LMO7: variants seen among roughly 807,000 people sequenced by gnomAD.
LMO7 encodes the protein LIM domain only protein 7.
In LMO7, 120 loss-of-function variants were observed where a neutral mutation model predicts 206.5. The ratio of observed to expected loss-of-function variants is 0.58; its 90% CI spans 0.50 to 0.68. The LOEUF is 0.68. Among genes scored for constraint, LMO7 ranks in the 30% least tolerant of loss-of-function variants. The probability of loss-of-function intolerance (pLI) is 0.00; values close to 1 mark genes in which losing one functional copy is unlikely to be tolerated. For synonymous variants in LMO7, 706 were observed against 681.5 expected, an observed-to-expected ratio of 1.04 and a Z score of -0.56; for missense variants, 1,959 against 1,957.9, an observed-to-expected ratio of 1.00 and a Z score of -0.01.
intron 27 of LMO7, 54 bp from the exon 28 acceptor site, chr13:75,853,038 A>T: frequency 7.3e-7 from 1 of 1,371,254 alleles, no homozygotes; most frequent in Non-Finnish European, 9.9e-7. Context: ...TGAATTAAAT[A>T]GATTTCTAGT....
intron 22 of LMO7, 28 bp from the exon 23 acceptor site, chr13:75,841,081 G>C (rs767370000): frequency 7.2e-7 from 1 of 1,398,424 alleles, no homozygotes; most frequent in Non-Finnish European, 1.0e-6. Context: ...TAATCTATTG[G>C]ATTAATATAT....
At chr13:75,747,039 A>G (rs2046899000) in intron 3 of LMO7, among the ~76,000 whole-genome samples, 2 of 152,194 alleles carry the variant, frequency 1.3e-5, no homozygotes, top group African/African-American at 4.8e-5. Flanking sequence ...TGTTGAAGCA[A>G]TAAAGTGTAG....
chr13:75,805,176 G>T, intron 8 of LMO7: 1 of 1,181,672 alleles, frequency 8.5e-7, no homozygotes. Context: ...CCTGGATCTG[G>T]CTGTCTATTA....
At chr13:75,778,318 C>T (rs1219799757) in intron 4 of LMO7, among the ~76,000 whole-genome samples, 3 of 151,986 alleles carry the variant, frequency 2.0e-5, no homozygotes, top group Non-Finnish European at 2.9e-5. Flanking sequence ...CTGCAACCTC[C>T]GCCTCCCAGG....
At chr13:75,831,065 G>T (rs992124678) in intron 15 of LMO7, among the ~76,000 whole-genome samples, 1 of 152,018 alleles carries the variant, frequency 6.6e-6, no homozygotes. Context: ...TTAAGTGTAT[G>T]GTGGTTTTGG....
rs188403549 is a variant in LMO7 at position 75,844,418 on chromosome 13, T to C, written c.4098-909T>C. Among the ~76,000 whole-genome samples the C allele has an allele frequency of 1.1e-4, 16 of 150,640 alleles. 1 individual carries two copies. The highest frequency in any genetic ancestry group is 3.9e-4 in the African/African-American group (16 of 41,310). On this transcript the variant is annotated intron_variant, in intron 25 of 30. Transcript: ENST00000377534. ...TTTCTTTTTCTTTTGTTTTTTTCTTTTTTTTTTTTGAGACGTAGTCTCGCT... is the reference window on the plus strand; with the variant it reads ...TTTCTTTTTCTTTTGTTTTTTTCTTCTTTTTTTTTGAGACGTAGTCTCGCT...
intron 1 of LMO7, among the ~76,000 whole-genome samples, chr13:75,696,268 T>C (rs910296166): frequency 1.3e-5 from 2 of 152,112 alleles, no homozygotes; most frequent in Admixed American, 1.3e-4. Context: ...GGCAGGAGAA[T>C]GGCTTGAACC....
chr13:75,669,862 A>T (rs897503904), intron 1 of LMO7, among the ~76,000 whole-genome samples: 1 of 152,172 alleles, frequency 6.6e-6, no homozygotes, highest in African/African-American at 2.4e-5. Flanking sequence ...AATGTGGCTC[A>T]CTGGCAGAGG....
At chr13:75,686,387 T>C (rs1194821608) in intron 1 of LMO7, among the ~76,000 whole-genome samples, 1 of 152,076 alleles carries the variant, frequency 6.6e-6, no homozygotes. Flanking sequence ...GAGAACAGCA[T>C]GGGAAAGACT....
chr13:75,714,914 C>T (rs2043404954), intron 2 of LMO7, among the ~76,000 whole-genome samples: 1 of 151,644 alleles, frequency 6.6e-6, no homozygotes, highest in Non-Finnish European at 1.5e-5. Context: ...ATCAACCATA[C>T]ACCCCACAAG....
intron 27 of LMO7, among the ~76,000 whole-genome samples, chr13:75,850,065 C>T (rs1001928041): frequency 6.6e-6 from 1 of 152,162 alleles, no homozygotes; most frequent in African/African-American, 2.4e-5. Context: ...TTGCAGTGAG[C>T]TGAGATCTTG....
At chr13:75,737,752 CAAA>C (rs374266925) in intron 3 of LMO7, among the ~76,000 whole-genome samples, 1 of 35,384 alleles carries the variant, frequency 2.8e-5, no homozygotes, top group Non-Finnish European at 5.0e-5. Context: ...GACTCCGTCT[CAAA>C]AAAAAAAAAA....
rs370384310 is a variant in LMO7 at position 75,657,204 on chromosome 13, T to A, written c.69+20478T>A. Reference sequence around the variant, plus strand: ...GAGGCAAGGATCTGTTCCCTGTGGGTTTCAAAGATAGCATGGCCATGCTGA... The same window carrying A: ...GAGGCAAGGATCTGTTCCCTGTGGGATTCAAAGATAGCATGGCCATGCTGA... On this transcript the variant is annotated intron_variant, in intron 1 of 30. Coordinates refer to ENST00000377534, the MANE Select transcript of LMO7 (RefSeq NM_001306080.2). Among the ~76,000 whole-genome samples the A allele has an allele frequency of 2.6e-5, 4 of 152,268 alleles. No individual in the cohort carries two copies. The East Asian group carries it at 7.7e-4, about 29-fold the overall frequency.
chr13:75,675,702 A>T (rs778067942), intron 1 of LMO7, among the ~76,000 whole-genome samples: 1 of 152,224 alleles, frequency 6.6e-6, no homozygotes. Flanking sequence ...AGAGCTCTGT[A>T]TCTAAATGTT....
At position 75,657,441 on chromosome 13, in the gene LMO7, G is replaced by A. The variant is rs2038163635; in HGVS notation, c.69+20715G>A. 2.0e-5 allele frequency among the ~76,000 whole-genome samples: 3 copies of A among 152,064 alleles called. No individual in the cohort carries two copies. The South Asian group carries it at 6.2e-4, about 31-fold the overall frequency. ...TGTGTGTATACATGTGTGTTTTGGTGACACCAGCAGTCAATTTAATGAGCC... is the reference window on the plus strand; with the variant it reads ...TGTGTGTATACATGTGTGTTTTGGTAACACCAGCAGTCAATTTAATGAGCC... On this transcript the variant is annotated intron_variant, in intron 1 of 30. Transcript: ENST00000377534.
intron 2 of LMO7, among the ~76,000 whole-genome samples, chr13:75,715,505 A>G (rs1175425101): frequency 2.6e-5 from 4 of 152,224 alleles, no homozygotes; most frequent in African/African-American, 4.8e-5. Context: ...TCAGTCTCTT[A>G]GTACCCAGTA....
intron 6 of LMO7, among the ~76,000 whole-genome samples, chr13:75,797,193 C>T (rs948644774): frequency 7.2e-5 from 11 of 152,352 alleles, no homozygotes; most frequent in Admixed American, 7.2e-4. Flanking sequence ...TTAATGCCCA[C>T]ACTTTCATAT....
At chr13:75,649,575 G>A (rs750327112) in intron 1 of LMO7, among the ~76,000 whole-genome samples, 6 of 152,126 alleles carry the variant, frequency 3.9e-5, no homozygotes, top group Non-Finnish European at 5.9e-5. Flanking sequence ...GTTGGTGTGG[G>A]AGCCAAACCA....
intron 1 of LMO7, among the ~76,000 whole-genome samples, chr13:75,684,805 GTGTA>G (rs2040841442): frequency 6.7e-6 from 1 of 149,328 alleles, no homozygotes; most frequent in African/African-American, 2.5e-5. Context: ...ATGTGTGTGT[GTGTA>G]TATGTATATA....
Sources: gnomAD v4.1 joint callset for allele counts (sites outside exome capture counted in the v4.1 genomes callset) on GRCh38, gnomAD v4.1.1 for gene constraint, MANE v1.5 for transcripts, NCBI Gene and HGNC (gene_info 2026-07-23, HGNC 2026-07-21) for gene names.